MARCHF1: variants seen among roughly 807,000 people sequenced by gnomAD.
MARCHF1 encodes membrane associated ring-CH-type finger 1.
A neutral mutation model predicts 54.2 loss-of-function variants in MARCHF1; 40 were observed. The observed-to-expected ratio is 0.74, with a 90% confidence interval of 0.57 to 0.96. The LOEUF (loss-of-function observed/expected upper bound fraction) is 0.96. MARCHF1 is among the 40% of genes least tolerant of loss of function. The pLI is 0.00. For synonymous variants in MARCHF1, 236 were observed against 236.3 expected, an observed-to-expected ratio of 1.00 and a Z score of 0.01; for missense variants, 586 against 656.5, an observed-to-expected ratio of 0.89 and a Z score of 1.17.
chr4:164,142,232 G>A (rs1184532117), intron 1 of MARCHF1, among the ~76,000 whole-genome samples: 2 of 152,186 alleles, frequency 1.3e-5, no homozygotes, highest in Non-Finnish European at 2.9e-5. Flanking sequence ...CAAGGCCGCA[G>A]CCAGGCTTGG....
chr4:164,037,956 T>C (rs1754044400), intron 2 of MARCHF1, among the ~76,000 whole-genome samples: 1 of 152,104 alleles, frequency 6.6e-6, no homozygotes, highest in Non-Finnish European at 1.5e-5. Context: ...AGAAATTAGT[T>C]ATTGTCAGGG....
intron 2 of MARCHF1, among the ~76,000 whole-genome samples, chr4:164,012,444 G>C (rs1753443570): frequency 6.6e-6 from 1 of 152,254 alleles, no homozygotes; most frequent in Middle Eastern, 3.4e-3. Flanking sequence ...CCTTTGGTCA[G>C]AAGGGATTCC....
At chr4:164,146,354 T>C (rs146468196) in intron 1 of MARCHF1, among the ~76,000 whole-genome samples, 125,628 of 149,140 alleles carry the variant, frequency 0.84, 53,438 homozygotes, top group Non-Finnish European at 0.89. Context: ...AAAAAGAGCC[T>C]GCATCGCCAA....
chr4:163,806,599 T>C (rs1398359638), intron 4 of MARCHF1, among the ~76,000 whole-genome samples: 1 of 152,180 alleles, frequency 6.6e-6, no homozygotes, highest in African/African-American at 2.4e-5. Context: ...GAATATTTTA[T>C]TGGGGAGGGG....
intron 1 of MARCHF1, among the ~76,000 whole-genome samples, chr4:164,159,533 G>A (rs1173025409): frequency 1.3e-5 from 2 of 152,084 alleles, no homozygotes; most frequent in East Asian, 3.9e-4. Context: ...TACTTTACTT[G>A]ACAATAGGTT....
At chr4:163,584,715 C>G (rs1334576709) in intron 8 of MARCHF1, 1 of 152,204 alleles carries the variant, frequency 6.6e-6, no homozygotes, top group African/African-American at 2.4e-5. Flanking sequence ...TGAAGAATTG[C>G]AATGGTCAGC....
intron 7 of MARCHF1, among the ~76,000 whole-genome samples, chr4:163,588,293 C>A (rs1268759685): frequency 1.3e-5 from 2 of 152,116 alleles, no homozygotes; most frequent in African/African-American, 4.8e-5. Context: ...AATATAAAAA[C>A]CTGAAATAGC....
At chr4:163,873,766 G>A (rs1046482991) in intron 3 of MARCHF1, among the ~76,000 whole-genome samples, 15 of 152,172 alleles carry the variant, frequency 9.9e-5, no homozygotes, top group African/African-American at 3.6e-4. Flanking sequence ...AGCTCTATAT[G>A]TTCTCCCTGG....
At chr4:164,012,842 T>C (rs763101289) in intron 2 of MARCHF1, among the ~76,000 whole-genome samples, 1 of 152,062 alleles carries the variant, frequency 6.6e-6, no homozygotes, top group Non-Finnish European at 1.5e-5. Context: ...AGCCCCCTAG[T>C]GCGAAACAGT....
At chr4:163,995,274 G>A (rs1753052175) in intron 2 of MARCHF1, among the ~76,000 whole-genome samples, 1 of 152,124 alleles carries the variant, frequency 6.6e-6, no homozygotes, top group South Asian at 2.1e-4. Flanking sequence ...ATGAAGAGAT[G>A]CATAGAGCAA....
intron 2 of MARCHF1, among the ~76,000 whole-genome samples, chr4:164,026,136 A>G (rs1753761741): frequency 6.6e-6 from 1 of 152,170 alleles, no homozygotes; most frequent in Non-Finnish European, 1.5e-5. Flanking sequence ...ATGGATTCAC[A>G]GCCAAATTCC....
chr4:163,851,729 A>T (rs1235692946), intron 4 of MARCHF1, among the ~76,000 whole-genome samples: 2 of 152,166 alleles, frequency 1.3e-5, no homozygotes, highest in African/African-American at 4.8e-5. Context: ...CTCCCTTGCA[A>T]CTCAGTTGGG....
chr4:163,787,931 G>A (rs1747667422), intron 4 of MARCHF1, among the ~76,000 whole-genome samples: 1 of 151,876 alleles, frequency 6.6e-6, no homozygotes, highest in Non-Finnish European at 1.5e-5. Flanking sequence ...GCTACAACAT[G>A]GAAGACCCTC....
intron 1 of MARCHF1, among the ~76,000 whole-genome samples, chr4:164,227,682 C>T (rs953971716): frequency 7.2e-5 from 11 of 151,970 alleles, no homozygotes; most frequent in South Asian, 2.1e-4. Context: ...TCACATATTT[C>T]GCGCCATGTG....
At chr4:163,659,190 A>C (rs1743256819) in intron 5 of MARCHF1, among the ~76,000 whole-genome samples, 1 of 152,002 alleles carries the variant, frequency 6.6e-6, no homozygotes, top group African/African-American at 2.4e-5. Context: ...CTCAGAAGGT[A>C]TAAATGTTCC....
intron 1 of MARCHF1, among the ~76,000 whole-genome samples, chr4:164,121,081 C>T (rs1756056377): frequency 6.6e-6 from 1 of 151,458 alleles, no homozygotes; most frequent in Non-Finnish European, 1.5e-5. Context: ...AAACCTTTAG[C>T]CAGTTGAAGA....
chr4:163,788,217 A>G (rs1367290937), intron 4 of MARCHF1, among the ~76,000 whole-genome samples: 1 of 151,972 alleles, frequency 6.6e-6, no homozygotes, highest in Admixed American at 6.6e-5. Flanking sequence ...TTAATATCAT[A>G]TATGTTTTAC....
At chr4:164,065,820 G>A (rs537687221) in intron 2 of MARCHF1, among the ~76,000 whole-genome samples, 23 of 152,322 alleles carry the variant, frequency 1.5e-4, no homozygotes, top group African/African-American at 5.5e-4. Context: ...AAAGAACCTG[G>A]AGTCTGATGT....
intron 3 of MARCHF1, among the ~76,000 whole-genome samples, chr4:163,892,836 G>A (rs907298413): frequency 6.6e-6 from 1 of 152,040 alleles, no homozygotes; most frequent in African/African-American, 2.4e-5. Context: ...TAGACAAGAG[G>A]CTCCAGGGTT....
Sources: allele counts gnomAD v4.1 joint callset (sites outside exome capture counted in the v4.1 genomes callset), GRCh38; gene constraint gnomAD v4.1.1; transcripts MANE v1.5; gene names NCBI Gene and HGNC (gene_info 2026-07-23, HGNC 2026-07-21).